SH3GL3: variants seen among roughly 807,000 people sequenced by gnomAD.
SH3GL3 encodes the protein endophilin-A3.
SH3GL3 carries 33 observed loss-of-function variants against 47.7 expected under a neutral mutation model. The observed-to-expected ratio is 0.69, with a 90% CI of 0.52 to 0.92. The LOEUF is 0.92. Ranked by LOEUF, SH3GL3 falls within the 40% of genes least tolerant of loss-of-function variation. The pLI, the probability that SH3GL3 is intolerant of heterozygous loss-of-function variation, is 0.00. For missense variants in SH3GL3, 363 were observed against 417.8 expected (o/e 0.87, Z 1.14); for synonymous variants, 155 against 148.8 (o/e 1.04, Z -0.30).
chr15:83,606,352 A>G (rs2060515289), intron 8 of SH3GL3, among the ~76,000 whole-genome samples: 1 of 152,240 alleles, frequency 6.6e-6, no homozygotes, highest in Non-Finnish European at 1.5e-5. Flanking sequence ...TTGGCACAAA[A>G]TGTCTAGGAT....
rs138349137 is a variant in SH3GL3 at position 83,448,256 on chromosome 15, C to G, written c.45+678C>G. 4.1e-4 allele frequency among the ~76,000 whole-genome samples: 63 copies of G among 152,280 alleles called. 1 individual carries two copies. In the East Asian group the frequency reaches 0.012, roughly 29 times the overall value. ...AGACACGTAAACAAACAGTGCTAGA[C>G]ACACCTCCACGCACAGAGGATGACA... On this transcript the variant is annotated intron_variant, in intron 1 of 8. Transcript: ENST00000427482. The surrounding 1 kb of genome is among the most constrained non-coding windows in gnomAD (Gnocchi z 4.2).
intron 1 of SH3GL3, among the ~76,000 whole-genome samples, chr15:83,468,011 T>C (rs556389816): frequency 1.2e-3 from 186 of 152,170 alleles, no homozygotes; most frequent in Non-Finnish European, 1.9e-3. Context: ...GTTATATTTT[T>C]AGTAGAGACA....
intron 1 of SH3GL3, among the ~76,000 whole-genome samples, chr15:83,482,885 A>C (rs2401086): frequency 0.16 from 24,905 of 152,150 alleles, 2,225 homozygotes; most frequent in Middle Eastern, 0.21. Context: ...TTTCTATGCT[A>C]TACCATTTTT....
chr15:83,532,401 GA>G (rs1412152077), intron 1 of SH3GL3, among the ~76,000 whole-genome samples: 9 of 152,238 alleles, frequency 5.9e-5, no homozygotes, highest in Admixed American at 5.9e-4. Flanking sequence ...TTGAGAAAAA[GA>G]AATTATAAAG....
chr15:83,609,434 G>A (rs1404724795), intron 8 of SH3GL3: 1 of 409,454 alleles, frequency 2.4e-6, no homozygotes, highest in African/African-American at 2.1e-5. Flanking sequence ...AGCAGTCTGG[G>A]GGATTTACTA....
chr15:83,577,479 C>T (rs2059713788), intron 6 of SH3GL3, among the ~76,000 whole-genome samples: 1 of 152,166 alleles, frequency 6.6e-6, no homozygotes, highest in South Asian at 2.1e-4. Flanking sequence ...TGACTCACTG[C>T]AGCCTCGACC....
At chr15:83,513,238 T>C (rs944375521) in intron 1 of SH3GL3, among the ~76,000 whole-genome samples, 4 of 152,342 alleles carry the variant, frequency 2.6e-5, no homozygotes, top group Admixed American at 2.0e-4. Context: ...GGTCAAGGTT[T>C]TGAGCATTTA....
intron 1 of SH3GL3, among the ~76,000 whole-genome samples, chr15:83,522,817 G>C (rs902870582): frequency 2.6e-5 from 4 of 152,278 alleles, no homozygotes; most frequent in African/African-American, 9.6e-5. Context: ...GAAAAAGTCT[G>C]TGTAGGCTAG....
intron 3 of SH3GL3, among the ~76,000 whole-genome samples, chr15:83,566,477 T>A (rs967710735): frequency 9.9e-5 from 15 of 151,568 alleles, no homozygotes; most frequent in African/African-American, 3.4e-4. Flanking sequence ...AATGTGAGGT[T>A]CAAAAGTCCG....
At chr15:83,473,513 T>G (rs1239957946) in intron 1 of SH3GL3, among the ~76,000 whole-genome samples, 1 of 152,022 alleles carries the variant, frequency 6.6e-6, no homozygotes, top group East Asian at 1.9e-4. Context: ...AGACATTTGC[T>G]TGGTCCCTTG....
intron 1 of SH3GL3, among the ~76,000 whole-genome samples, chr15:83,458,264 G>A (rs918704573): frequency 6.6e-6 from 1 of 152,202 alleles, no homozygotes; most frequent in Admixed American, 6.5e-5. Context: ...GGGAGGCATT[G>A]TTTCCAGTTC....
At chr15:83,633,616 G>A in the SH3GL3 span, among the ~76,000 whole-genome samples, 10 of 152,112 alleles carry the variant, frequency 6.6e-5, no homozygotes, top group South Asian at 2.1e-4. Flanking sequence ...CTGCAAAGGC[G>A]CCAGTTCAAC....
intron 5 of SH3GL3, 61 bp downstream of exon 5, chr15:83,572,759 T>C: frequency 7.9e-7 from 1 of 1,264,246 alleles, no homozygotes; most frequent in South Asian, 1.4e-5. Flanking sequence ...ATATTTAAAA[T>C]CACTAGAACG....
chr15:83,476,676 G>A (rs12148391), intron 1 of SH3GL3, among the ~76,000 whole-genome samples: 24,765 of 152,190 alleles, frequency 0.16, 2,199 homozygotes, highest in Middle Eastern at 0.21. Flanking sequence ...AGTTCTATTG[G>A]AACACAGCCA....
At chr15:83,527,914 T>C (rs944779710) in intron 1 of SH3GL3, among the ~76,000 whole-genome samples, 8 of 152,134 alleles carry the variant, frequency 5.3e-5, no homozygotes, top group Non-Finnish European at 1.2e-4. Flanking sequence ...TGTGTTTTCA[T>C]GATGGTAGAT....
At chr15:83,630,036 T>C in the SH3GL3 span, among the ~76,000 whole-genome samples, 2 of 152,190 alleles carry the variant, frequency 1.3e-5, no homozygotes, top group African/African-American at 4.8e-5. Context: ...CTTCACATGA[T>C]AGTAAATAAG....
chr15:83,506,505 A>G (rs900142364), intron 1 of SH3GL3, among the ~76,000 whole-genome samples: 1 of 152,188 alleles, frequency 6.6e-6, no homozygotes, highest in African/African-American at 2.4e-5. Flanking sequence ...CTGCTCCTGC[A>G]CGTTACTCTT....
At chr15:83,601,946 C>T (rs1203497275) in intron 8 of SH3GL3, among the ~76,000 whole-genome samples, 2 of 144,682 alleles carry the variant, frequency 1.4e-5, no homozygotes, top group Non-Finnish European at 1.5e-5. Flanking sequence ...TAGTTTGTGT[C>T]TCAAAAAAAA....
chr15:83,586,178 A>G (rs892744913), intron 6 of SH3GL3, among the ~76,000 whole-genome samples: 4 of 152,196 alleles, frequency 2.6e-5, no homozygotes, highest in African/African-American at 9.6e-5. Flanking sequence ...TTCAGAAATA[A>G]GCTTAATTAA....
Sources: gnomAD v4.1 joint callset for allele counts (sites outside exome capture counted in the v4.1 genomes callset) on GRCh38, gnomAD v4.1.1 for gene constraint, Gnocchi (gnomAD v3.1) non-coding constraint, MANE v1.5 for transcripts, NCBI Gene and HGNC (gene_info 2026-07-23, HGNC 2026-07-21) for gene names.